HEXB: variants seen among roughly 807,000 people sequenced by gnomAD.
HEXB encodes beta-hexosaminidase subunit beta.
A neutral mutation model predicts 71.2 loss-of-function variants in HEXB; 51 were observed. The ratio of observed to expected loss-of-function variants is 0.72; its 90% CI spans 0.57 to 0.90. The LOEUF (loss-of-function observed/expected upper bound fraction) is 0.90, where lower values mean the gene tolerates loss of function less well. HEXB is among the 40% of genes least tolerant of loss of function. The probability of loss-of-function intolerance (pLI) is 0.00; values close to 1 mark genes in which losing one functional copy is unlikely to be tolerated. For synonymous variants in HEXB, 266 were observed against 249.3 expected (o/e 1.07, Z -0.63); for missense variants, 617 against 677.0 (o/e 0.91, Z 0.98).
intron 1 of HEXB, among the ~76,000 whole-genome samples, chr5:74,669,759 A>G (rs1214075863): frequency 6.6e-6 from 1 of 152,160 alleles, no homozygotes; most frequent in Non-Finnish European, 1.5e-5. Context: ...GTCTTGGCAT[A>G]AAGACAGCAA....
In HEXB at chr5:74,695,766, G is replaced by A. The variant is rs186824444; in HGVS notation, c.512-927G>A. 1.5e-3 allele frequency among the ~76,000 whole-genome samples: 227 copies of A among 151,012 alleles called. 1 individual carries two copies. The highest frequency in any genetic ancestry group is 5.3e-3 in the African/African-American group (217 of 41,262). ...TGAGGCAGGAGAAGTACTTGAACCC[G>A]GGAGGTGGAGGTTACAATGAGCCGA... On this transcript the variant is annotated intron_variant, in intron 3 of 13. Coordinates refer to ENST00000261416, the MANE Select transcript of HEXB (RefSeq NM_000521.4).
At position 74,685,515 on chromosome 5, in the gene HEXB, C is replaced by T; in HGVS notation, c.255C>T (p.Ser85=). The change falls in exon 1 of 14, where the codon TCC becomes TCT. Residue 85 remains serine (S), a synonymous_variant. Transcript: ENST00000261416. The part of the protein sequence containing the change: ...ENFYISHSPN[S]TAGPSCTLLE... The stretch of plus-strand genomic sequence containing the variant: ...TCTACATCAGCCACAGCCCCAATTC[C>T]ACGGCGGGCCCCTCCTGCACCCTGC... The T allele has an allele frequency of 6.2e-7, 1 of 1,605,386 alleles. No homozygotes were observed. The highest frequency in any genetic ancestry group is 1.1e-5 in the South Asian group (1 of 90,324).
intron 2 of HEXB, among the ~76,000 whole-genome samples, chr5:74,692,024 G>A (rs1396163813): frequency 6.6e-6 from 1 of 152,158 alleles, no homozygotes. Context: ...TTGAATTACA[G>A]TCCTGTTTAA....
At chr5:74,653,208 C>A (rs772313635) in intron 1 of HEXB, among the ~76,000 whole-genome samples, 13 of 152,100 alleles carry the variant, frequency 8.5e-5, no homozygotes, top group Non-Finnish European at 1.8e-4. Context: ...CCTTCAAGTA[C>A]CATGACTCAC....
intron 1 of HEXB, among the ~76,000 whole-genome samples, chr5:74,670,140 T>G (rs1346290442): frequency 1.3e-5 from 2 of 152,118 alleles, no homozygotes; most frequent in Non-Finnish European, 2.9e-5. Context: ...CTCTGATTGA[T>G]CCCCACCCTT....
At chr5:74,681,287 G>T (rs1748733535), upstream of HEXB, among the ~76,000 whole-genome samples, 1 of 152,166 alleles carries the variant, frequency 6.6e-6, no homozygotes, top group Non-Finnish European at 1.5e-5. Flanking sequence ...CTGAGGCTCA[G>T]GGGTTGGGGG....
chr5:74,717,135 C>T (rs1034381680), intron 9 of HEXB, among the ~76,000 whole-genome samples: 3 of 152,078 alleles, frequency 2.0e-5, no homozygotes, highest in Non-Finnish European at 2.9e-5. Context: ...GAGCTAAGAT[C>T]GCACCACTGC....
At chr5:74,706,942 C>A (rs868621195) in intron 6 of HEXB, among the ~76,000 whole-genome samples, 1 of 92,894 alleles carries the variant, frequency 1.1e-5, no homozygotes, top group South Asian at 3.4e-4. Flanking sequence ...TTGAAGAGAG[C>A]AGTGGTTCTC....
At chr5:74,700,919 G>A (rs902131032) in intron 5 of HEXB, among the ~76,000 whole-genome samples, 3 of 152,116 alleles carry the variant, frequency 2.0e-5, no homozygotes, top group African/African-American at 7.2e-5. Context: ...TGTTGGCCAG[G>A]CTGATCTTGA....
intron 1 of HEXB, among the ~76,000 whole-genome samples, chr5:74,648,550 T>C (rs911711417): frequency 2.1e-5 from 3 of 144,090 alleles, no homozygotes; most frequent in South Asian, 2.1e-4. Flanking sequence ...GCCCTTATAC[T>C]GTCTTAATAG....
chr5:74,670,105 C>A (rs191666615), intron 1 of HEXB, among the ~76,000 whole-genome samples: 1 of 152,190 alleles, frequency 6.6e-6, no homozygotes, highest in East Asian at 1.9e-4. Flanking sequence ...GATTGAGAAC[C>A]TCTCTTCCTG....
chr5:74,675,768 T>G (rs1181158854), intron 1 of HEXB, among the ~76,000 whole-genome samples: 3 of 152,236 alleles, frequency 2.0e-5, no homozygotes. Flanking sequence ...AAAGATGACT[T>G]TGTTAGCTGT....
At chr5:74,656,226 C>A (rs1580361494) in intron 1 of HEXB, among the ~76,000 whole-genome samples, 1 of 152,190 alleles carries the variant, frequency 6.6e-6, no homozygotes, top group South Asian at 2.1e-4. Flanking sequence ...GAGGCCTAGC[C>A]GGGTGGATCA....
In HEXB at chr5:74,685,450, A is replaced by G. The variant is rs1401592690; in HGVS notation, c.190A>G (p.Lys64Glu). ...PALWPLPLLVKMTPNLLHLAP... is the reference protein window; with the variant it reads ...PALWPLPLLVEMTPNLLHLAP... ...GCTGTGGCCCCTGCCGCTCTTGGTG[A>G]AGATGACCCCGAACCTGCTGCATCT... The change falls in exon 1 of 14, where the codon AAG becomes GAG. Residue 64 changes from lysine to glutamate, a missense_variant. Lys to Glu is a moderately conservative substitution (Grantham distance 56). Coordinates refer to ENST00000261416, the MANE Select transcript of HEXB (RefSeq NM_000521.4). 5.0e-6 allele frequency: 8 copies of G among 1,611,210 alleles called. No homozygotes were observed. Among genetic ancestry groups the G allele is most frequent in the African/African-American group, 1.3e-5 (1 of 74,642 alleles).
At chr5:74,690,138 C>G (rs1406678847) in intron 2 of HEXB, among the ~76,000 whole-genome samples, 1 of 152,088 alleles carries the variant, frequency 6.6e-6, no homozygotes, top group Admixed American at 6.5e-5. Flanking sequence ...ACAATATAAT[C>G]AACATTTAGC....
chr5:74,713,397 A>G (rs1436229846), intron 6 of HEXB, 109 bp from the exon 7 acceptor site: 3 of 990,900 alleles, frequency 3.0e-6, no homozygotes, highest in South Asian at 1.3e-5. Flanking sequence ...ATACATTGTC[A>G]TAGTGAAAAA....
chr5:74,705,371 AT>A (rs1749362217), intron 6 of HEXB, 51 bp downstream of exon 6: 3 of 974,652 alleles, frequency 3.1e-6, no homozygotes, highest in African/African-American at 3.2e-5. Context: ...GTATAGTTTC[AT>A]TACAAGTTTG....
At chr5:74,643,995 GAGAC>G (rs895146938) in intron 1 of HEXB, among the ~76,000 whole-genome samples, 3 of 152,236 alleles carry the variant, frequency 2.0e-5, no homozygotes, top group Non-Finnish European at 2.9e-5. Context: ...CTGTGTCCTG[GAGAC>G]AGAGTGTGGC....
chr5:74,716,737 CTTTA>C (rs1295654911), intron 9 of HEXB, 64 bp downstream of exon 9: 20 of 1,057,062 alleles, frequency 1.9e-5, no homozygotes, highest in Non-Finnish European at 2.3e-5. Context: ...TAGTAATGTG[CTTTA>C]TTTTTTACAT....
Sources: gnomAD v4.1 joint callset for allele counts (sites outside exome capture counted in the v4.1 genomes callset) on GRCh38, gnomAD v4.1.1 for gene constraint, MANE v1.5 for transcripts, NCBI Gene and HGNC (gene_info 2026-07-23, HGNC 2026-07-21) for gene names.